Variants in MARCO observed in about 807,000 individuals in gnomAD.
MARCO encodes macrophage receptor MARCO.
A neutral mutation model predicts 70.0 loss-of-function variants in MARCO; 72 were observed. That is an observed-to-expected ratio of 1.03 (90% CI 0.85 to 1.25). MARCO has a LOEUF of 1.25. Among genes scored for constraint, MARCO ranks in the 50% most tolerant of loss-of-function variants. The pLI, the probability that MARCO is intolerant of heterozygous loss-of-function variation, is 0.00. For synonymous variants in MARCO, 273 were observed against 243.1 expected, an observed-to-expected ratio of 1.12 and a Z score of -1.14; for missense variants, 696 against 659.3, an observed-to-expected ratio of 1.06 and a Z score of -0.61.
chr2:118,969,978 G>T (rs1432952590), intron 2 of MARCO, 136 bp from the exon 3 acceptor site: 1 of 738,448 alleles, frequency 1.4e-6, no homozygotes, highest in Non-Finnish European at 2.3e-6. Context: ...GTGTGCTCAC[G>T]CTAGGTCCTG....
chr2:118,971,536 T>C lies in MARCO; in HGVS notation c.460+2T>C. On this transcript the variant is annotated splice_donor_variant, in intron 4 of 16. Transcript: ENST00000327097. LOFTEE classifies it high-confidence loss of function. ...TCAAAGGTGAACAAGGCGCCCCAGG[T>C]AGGTTCATTTCCACTCACACCCACC... The C allele has an allele frequency of 6.2e-6, 10 of 1,613,822 alleles. No homozygotes were observed. The highest frequency in any genetic ancestry group is 6.8e-6 in the Non-Finnish European group (8 of 1,179,836).
Position 118,976,442 on chromosome 2 carries a change from T to C in MARCO, c.614-1029T>C, listed in dbSNP as rs1481922164. On this transcript the variant is annotated intron_variant, in intron 6 of 16. Transcript: ENST00000327097. ...ACCCACCTCCTCTCACTCCTCTCCTTCCCATCCTTTTCCACTTTGCCTCCT... is the reference window on the plus strand; with the variant it reads ...ACCCACCTCCTCTCACTCCTCTCCTCCCCATCCTTTTCCACTTTGCCTCCT... Among the ~76,000 whole-genome samples, 3 of 152,072 alleles carry C rather than the reference T, an allele frequency of 2.0e-5. No individual in the cohort carries two copies. In the East Asian group the frequency reaches 5.8e-4, roughly 29 times the overall value.
In MARCO at chr2:118,977,494, C is replaced by T. The variant is rs777709752; in HGVS notation, c.637C>T (p.Pro213Ser). 27 of 1,613,936 alleles carry T rather than the reference C, an allele frequency of 1.7e-5. No individual in the cohort carries two copies. The highest frequency in any genetic ancestry group is 2.3e-5 in the Non-Finnish European group (27 of 1,179,938). ...AGGCCTCCAAGGACCCCAGGGTGCT[C>T]CAGGGAAGCAAGGAGCCACTGGTAA... ...EAGLQGPQGA[P>S]GKQGATGTPG... Residue 213 changes from proline to serine, a missense_variant, in exon 7 of 17, where the codon CCA (proline) becomes TCA (serine). Pro to Ser is a moderately conservative substitution (Grantham distance 74). This residue lies in a region of MARCO where 605 missense variants were observed against 537.6 expected (regional missense o/e 1.13). Transcript: ENST00000327097.
At chr2:118,987,942 T>G (rs913523949) in intron 12 of MARCO, among the ~76,000 whole-genome samples, 1 of 152,186 alleles carries the variant, frequency 6.6e-6, no homozygotes, top group Admixed American at 6.5e-5. Context: ...AGCCTAGTAC[T>G]AGTGGAACAA....
chr2:118,943,997 A>G (rs1379141250), intron 1 of MARCO, among the ~76,000 whole-genome samples: 1 of 152,156 alleles, frequency 6.6e-6, no homozygotes, highest in Admixed American at 6.5e-5. Flanking sequence ...GATGGAAGGC[A>G]GGAAAATAAA....
chr2:118,986,111 A>G (rs1333492158), intron 12 of MARCO, among the ~76,000 whole-genome samples: 2 of 152,192 alleles, frequency 1.3e-5, no homozygotes, highest in African/African-American at 4.8e-5. Context: ...TCAAATCACT[A>G]AATTGTCATT....
intron 1 of MARCO, chr2:118,953,065 G>A (rs1402230744): frequency 6.6e-6 from 1 of 152,248 alleles, no homozygotes; most frequent in Non-Finnish European, 1.5e-5. Context: ...CCGTTGGCTG[G>A]AGCAGGACCT....
chr2:118,988,234 G>A (rs551450089), intron 12 of MARCO, among the ~76,000 whole-genome samples: 67 of 152,236 alleles, frequency 4.4e-4, no homozygotes, highest in South Asian at 1.2e-3. Context: ...AAATGAAGAG[G>A]GAGAGTCAGG....
At chr2:118,991,952 G>T in intron 14 of MARCO, 77 bp downstream of exon 14, 1 of 1,051,394 alleles carries the variant, frequency 9.5e-7, no homozygotes, top group Non-Finnish European at 1.4e-6. Context: ...AATAGGAAAG[G>T]CGCTGTTTTA....
intron 1 of MARCO, among the ~76,000 whole-genome samples, chr2:118,953,203 G>C (rs1160059397): frequency 6.6e-6 from 1 of 152,210 alleles, no homozygotes; most frequent in Non-Finnish European, 1.5e-5. Flanking sequence ...AATAAGGAAG[G>C]GGCATAGGCT....
chr2:118,994,621 C>T lies in MARCO; in HGVS notation c.*101C>T, dbSNP rs1016646551. 1 of 1,220,276 alleles carries T rather than the reference C, an allele frequency of 8.2e-7. No individual in the cohort carries two copies. Among genetic ancestry groups the T allele is most frequent in the Non-Finnish European group, 1.1e-6 (1 of 885,262 alleles). The allele number at this position is 1,220,276 out of a possible 1,614,324, so 75.6% of individuals were successfully genotyped here. ...AGTTCCCTGGGGACAACTGAGCAGC[C>T]TCTGGAGAGGGGCCATTAATAAAGC... On this transcript the variant is annotated 3_prime_UTR_variant, in exon 17 of 17. Coordinates refer to ENST00000327097, the MANE Select transcript of MARCO (RefSeq NM_006770.4).
chr2:118,984,849 C>T (rs542550026), intron 12 of MARCO, among the ~76,000 whole-genome samples: 51 of 152,258 alleles, frequency 3.3e-4, no homozygotes, highest in African/African-American at 1.2e-3. Flanking sequence ...CAGTGCTTGG[C>T]CAGTGTTGAT....
At chr2:118,956,254 A>G (rs1679835623) in intron 1 of MARCO, among the ~76,000 whole-genome samples, 1 of 152,188 alleles carries the variant, frequency 6.6e-6, no homozygotes, top group Non-Finnish European at 1.5e-5. Flanking sequence ...AGACTCACCT[A>G]ACACATAAGG....
At chr2:118,960,358 C>A (rs1159553138) in intron 1 of MARCO, among the ~76,000 whole-genome samples, 1 of 152,032 alleles carries the variant, frequency 6.6e-6, no homozygotes, top group Non-Finnish European at 1.5e-5. Context: ...GGAAAAGTGT[C>A]CTGTCTTTCA....
rs745342354 is a variant in MARCO, at chr2:118,981,397, T to C, written c.767-12T>C. 4.4e-6 allele frequency: 7 copies of C among 1,583,064 alleles called. No homozygotes were observed. The African/African-American group carries it at 6.8e-5, about 15-fold the overall frequency. ...TCCTCCCACAACTAACCAAGACTTT[T>C]TGGTTTTTCAGGAAGCAAAGGGGAC... On this transcript the variant is annotated splice_polypyrimidine_tract_variant and intron_variant, in intron 8 of 16. Coordinates refer to ENST00000327097, the MANE Select transcript of MARCO (RefSeq NM_006770.4).
In MARCO at chr2:118,945,408, T is replaced by C. The variant is rs545392810; in HGVS notation, c.97+3011T>C. Among the ~76,000 whole-genome samples the C allele has an allele frequency of 9.4e-3, 1,142 of 121,086 alleles. 8 individuals are homozygous for C. Among genetic ancestry groups the C allele is most frequent in the Non-Finnish European group, 0.015 (833 of 55,890 alleles). The allele number at this position is 121,086 out of a possible 152,430, so 79.4% of individuals were successfully genotyped here. ...ATCTGTCGGAACCTCTTGTTTCTTT[T>C]TTTTTTTTTTTTTTTCTTTTTTGAG... On this transcript the variant is annotated intron_variant, in intron 1 of 16. Coordinates refer to ENST00000327097, the MANE Select transcript of MARCO (RefSeq NM_006770.4).
chr2:118,945,412 T>C (rs888517646), intron 1 of MARCO, among the ~76,000 whole-genome samples: 3 of 150,580 alleles, frequency 2.0e-5, no homozygotes, highest in Non-Finnish European at 4.4e-5. Flanking sequence ...TTCTTTTTTT[T>C]TTTTTTTTTT....
At chr2:118,943,864 C>T (rs898752106) in intron 1 of MARCO, among the ~76,000 whole-genome samples, 2 of 152,098 alleles carry the variant, frequency 1.3e-5, no homozygotes, top group Non-Finnish European at 2.9e-5. Context: ...AGGAAGGGGC[C>T]GATGTGGGGC....
intron 1 of MARCO, among the ~76,000 whole-genome samples, chr2:118,959,475 C>A (rs969326453): frequency 2.6e-5 from 4 of 151,968 alleles, no homozygotes; most frequent in African/African-American, 7.2e-5. Flanking sequence ...TAAAAAAAAT[C>A]AAAAAAACCA....
Sources: allele counts gnomAD v4.1 joint callset (sites outside exome capture counted in the v4.1 genomes callset), GRCh38; gene constraint gnomAD v4.1.1; regional missense constraint gnomAD v4.1.1; transcripts MANE v1.5; gene names NCBI Gene and HGNC (gene_info 2026-07-23, HGNC 2026-07-21).